C7orf78: variants seen among roughly 807,000 people sequenced by gnomAD.
C7orf78 encodes putative uncharacterized protein C7orf78.
the C7orf78 span, among the ~76,000 whole-genome samples, chr7:12,502,884 C>G: frequency 6.7e-6 from 1 of 149,176 alleles, no homozygotes; most frequent in Non-Finnish European, 1.5e-5. Flanking sequence ...ACATATACAC[C>G]ATGGAATACT....
At chr7:12,483,474 T>G in the C7orf78 span, 1 of 152,196 alleles carries the variant, frequency 6.6e-6, no homozygotes, top group African/African-American at 2.4e-5. Flanking sequence ...ATCTCATATT[T>G]TGCACAGTCC....
At chr7:12,522,834 T>G in the C7orf78 span, 25 of 395,290 alleles carry the variant, frequency 6.3e-5, 1 homozygote, top group African/African-American at 3.9e-4. Flanking sequence ...TTCCTTCTCC[T>G]CCATACATAT....
At chr7:12,486,790 G>A in the C7orf78 span, among the ~76,000 whole-genome samples, 1 of 151,912 alleles carries the variant, frequency 6.6e-6, no homozygotes, top group East Asian at 1.9e-4. Context: ...TTGTAATTTT[G>A]TGGTAAGAAT....
the C7orf78 span, among the ~76,000 whole-genome samples, chr7:12,503,825 A>G: frequency 6.6e-6 from 1 of 152,164 alleles, no homozygotes; most frequent in African/African-American, 2.4e-5. Context: ...ATTATGTAGC[A>G]GAGGCTGAGT....
chr7:12,513,255 G>C, the C7orf78 span, among the ~76,000 whole-genome samples: 1 of 130,538 alleles, frequency 7.7e-6, no homozygotes, highest in Non-Finnish European at 1.7e-5. Flanking sequence ...TTTTTTTGTT[G>C]CTATTTTTGG....
At chr7:12,528,026 A>G in the C7orf78 span, among the ~76,000 whole-genome samples, 1 of 149,538 alleles carries the variant, frequency 6.7e-6, no homozygotes, top group South Asian at 2.2e-4. Flanking sequence ...TAGCTGTGTA[A>G]TTGAAATGGA....
the C7orf78 span, among the ~76,000 whole-genome samples, chr7:12,516,265 G>A: frequency 6.6e-6 from 1 of 152,240 alleles, no homozygotes; most frequent in Non-Finnish European, 1.5e-5. Flanking sequence ...GCTTCAGAGG[G>A]TGCAAGCCCC....
At chr7:12,524,757 C>T in the C7orf78 span, among the ~76,000 whole-genome samples, 1 of 151,832 alleles carries the variant, frequency 6.6e-6, no homozygotes, top group Non-Finnish European at 1.5e-5. Flanking sequence ...GCAAGAGAAT[C>T]GCTTGAATTT....
chr7:12,494,173 T>C, the C7orf78 span, among the ~76,000 whole-genome samples: 1 of 152,136 alleles, frequency 6.6e-6, no homozygotes, highest in African/African-American at 2.4e-5. Flanking sequence ...ACCAAGAGGC[T>C]GAAAGGTGAG....
chr7:12,488,908 G>C, the C7orf78 span, among the ~76,000 whole-genome samples: 1 of 113,294 alleles, frequency 8.8e-6, no homozygotes, highest in Admixed American at 1.0e-4. Context: ...GAGGGGGTTT[G>C]ATTGGTTTTT....
chr7:12,518,612 G>A, the C7orf78 span, among the ~76,000 whole-genome samples: 2 of 152,126 alleles, frequency 1.3e-5, no homozygotes, highest in Admixed American at 6.5e-5. Context: ...GTTCCTAGGG[G>A]GATAAAATAG....
chr7:12,509,220 G>A, the C7orf78 span, among the ~76,000 whole-genome samples: 1 of 151,118 alleles, frequency 6.6e-6, no homozygotes, highest in African/African-American at 2.4e-5. Flanking sequence ...GGAACTATAT[G>A]AATGTGGGAA....
the C7orf78 span, among the ~76,000 whole-genome samples, chr7:12,519,380 T>C: frequency 6.6e-6 from 1 of 152,100 alleles, no homozygotes; most frequent in Non-Finnish European, 1.5e-5. Flanking sequence ...TGCAGTGAAA[T>C]GCAGAGAAGG....
At chr7:12,529,301 A>G in the C7orf78 span, among the ~76,000 whole-genome samples, 90,078 of 152,052 alleles carry the variant, frequency 0.59, 27,470 homozygotes, top group African/African-American at 0.74. Flanking sequence ...TAGTAGTTAA[A>G]AGCATGGCTT....
chr7:12,513,496 T>G, the C7orf78 span, among the ~76,000 whole-genome samples: 2 of 152,314 alleles, frequency 1.3e-5, no homozygotes, highest in East Asian at 3.9e-4. Flanking sequence ...AAAAATTTTC[T>G]TCTTTGACTC....
chr7:12,506,821 GA>G, the C7orf78 span: 1 of 416,770 alleles, frequency 2.4e-6, no homozygotes, highest in East Asian at 7.4e-5. Flanking sequence ...CTACTGCACT[GA>G]AAAAATACAG....
the C7orf78 span, among the ~76,000 whole-genome samples, chr7:12,503,233 T>TAATAAATAAATAAATAAATAAATA: frequency 2.4e-3 from 325 of 135,348 alleles, 2 homozygotes; most frequent in African/African-American, 6.0e-3. Context: ...TAAAGTATAA[T>TAATAAATAAATAAATAAATAAATA]AATAAACAAA....
At chr7:12,531,213 T>A in the C7orf78 span, 1 of 393,914 alleles carries the variant, frequency 2.5e-6, no homozygotes, top group Non-Finnish European at 4.5e-6. Flanking sequence ...TCATAGGAAC[T>A]ATAAGTGAAA....
At chr7:12,510,225 G>C in the C7orf78 span, among the ~76,000 whole-genome samples, 1 of 151,798 alleles carries the variant, frequency 6.6e-6, no homozygotes, top group East Asian at 1.9e-4. Context: ...ACCCAGGCTG[G>C]ATCACGATCC....
Sources: gnomAD v4.1 joint callset for allele counts (sites outside exome capture counted in the v4.1 genomes callset) on GRCh38, gnomAD v4.1.1 for gene constraint, MANE v1.5 for transcripts, NCBI Gene and HGNC (gene_info 2026-07-23, HGNC 2026-07-21) for gene names.